Variants in PIP4K2A observed in about 807,000 individuals in gnomAD.
The protein encoded by PIP4K2A is phosphatidylinositol 5-phosphate 4-kinase type-2 alpha.
In PIP4K2A, 14 loss-of-function variants were observed where a neutral mutation model predicts 42.9. The observed-to-expected ratio is 0.33, with a 90% CI of 0.22 to 0.51. The LOEUF (loss-of-function observed/expected upper bound fraction) is 0.51. PIP4K2A is among the 20% of genes least tolerant of loss of function. The pLI is 0.97. For missense variants in PIP4K2A, 434 were observed against 519.8 expected (o/e 0.83, Z 1.61); for synonymous variants, 192 against 192.2 (o/e 1.00, Z 0.01).
intron 1 of PIP4K2A, among the ~76,000 whole-genome samples, chr10:22,615,942 T>C: frequency 6.6e-6 from 1 of 151,830 alleles, no homozygotes; most frequent in South Asian, 2.1e-4. Context: ...CTTGTTCCTG[T>C]TTATGCCGGA....
At position 22,593,507 on chromosome 10, in the gene PIP4K2A, T is replaced by C. The variant is rs549797757; in HGVS notation, c.340-1726A>G. ...CATTAACAAGAGTTTAATTCTTAAT[T>C]ACATTTTTCTTTCCTAAAACATGAA... is the stretch of plus-strand genomic sequence containing the variant. On this transcript the variant is annotated intron_variant, in intron 3 of 9. Coordinates refer to ENST00000376573, the MANE Select transcript of PIP4K2A (RefSeq NM_005028.5). 9.1e-4 allele frequency among the ~76,000 whole-genome samples: 139 copies of C among 152,368 alleles called. 3 individuals carry two copies. In the South Asian group the frequency reaches 0.028, roughly 30 times the overall value.
At chr10:22,711,089 G>C (rs2130932070) in intron 1 of PIP4K2A, among the ~76,000 whole-genome samples, 1 of 152,174 alleles carries the variant, frequency 6.6e-6, no homozygotes, top group East Asian at 1.9e-4. Context: ...TATATTCTCT[G>C]CTTAAAATAC....
At chr10:22,566,750 G>A (rs1806389611) in intron 6 of PIP4K2A, among the ~76,000 whole-genome samples, 1 of 152,130 alleles carries the variant, frequency 6.6e-6, no homozygotes, top group African/African-American at 2.4e-5. Flanking sequence ...TCAGGTTTCT[G>A]GACATCACCT....
chr10:22,644,107 C>G (rs998113141), intron 1 of PIP4K2A, among the ~76,000 whole-genome samples: 6 of 152,198 alleles, frequency 3.9e-5, no homozygotes, highest in Non-Finnish European at 8.8e-5. Context: ...GTCCTGTTCT[C>G]CCCTGGCCTG....
chr10:22,627,606 A>T (rs1838471981), intron 1 of PIP4K2A, among the ~76,000 whole-genome samples: 6 of 72,002 alleles, frequency 8.3e-5, no homozygotes, highest in Non-Finnish European at 1.9e-4. Flanking sequence ...AAAAAAAAAA[A>T]AAAAAAAAAA....
At chr10:22,625,822 G>T (rs546866851) in intron 1 of PIP4K2A, among the ~76,000 whole-genome samples, 1 of 152,200 alleles carries the variant, frequency 6.6e-6, no homozygotes, top group Non-Finnish European at 1.5e-5. Context: ...TCACATAGAC[G>T]TGGTTTTCGC....
intron 9 of PIP4K2A, among the ~76,000 whole-genome samples, chr10:22,537,795 C>T (rs1439513667): frequency 6.6e-6 from 1 of 152,208 alleles, no homozygotes; most frequent in Non-Finnish European, 1.5e-5. Flanking sequence ...TGAGGGGCAA[C>T]AGCAGCAGCC....
chr10:22,649,461 G>A (rs1046564143), intron 1 of PIP4K2A, among the ~76,000 whole-genome samples: 2 of 152,164 alleles, frequency 1.3e-5, no homozygotes, highest in East Asian at 1.9e-4. Flanking sequence ...CGTGTCAAAC[G>A]GCCATCTCTT....
intron 1 of PIP4K2A, among the ~76,000 whole-genome samples, chr10:22,685,364 A>T (rs1839743530): frequency 6.6e-6 from 1 of 152,252 alleles, no homozygotes; most frequent in Admixed American, 6.5e-5. Flanking sequence ...TTCCTTGTGA[A>T]ATTTTGGTCA....
At chr10:22,578,909 C>T (rs2031620) in intron 4 of PIP4K2A, among the ~76,000 whole-genome samples, 48,630 of 151,994 alleles carry the variant, frequency 0.32, 8,248 homozygotes, top group Non-Finnish European at 0.38. Context: ...CTACTCTCTC[C>T]GCTCTCTTTA....
intron 2 of PIP4K2A, among the ~76,000 whole-genome samples, chr10:22,608,800 C>T (rs1837965566): frequency 6.6e-6 from 1 of 152,140 alleles, no homozygotes; most frequent in South Asian, 2.1e-4. Flanking sequence ...TTGCTTGACC[C>T]CAGGAATTTG....
At chr10:22,672,203 T>A (rs1364347217) in intron 1 of PIP4K2A, among the ~76,000 whole-genome samples, 1 of 151,554 alleles carries the variant, frequency 6.6e-6, no homozygotes, top group Non-Finnish European at 1.5e-5. Context: ...TGCCGCTACA[T>A]CATGAATAAT....
At position 22,664,062 on chromosome 10, in the gene PIP4K2A, CATAT is replaced by C. The variant is rs1230269980; in HGVS notation, c.144+50117_144+50120del. 1.7e-4 allele frequency among the ~76,000 whole-genome samples: 12 copies of C among 70,228 alleles called. 2 individuals are homozygous for C. Among genetic ancestry groups the C allele is most frequent in the African/African-American group, 1.2e-3 (9 of 7,420 alleles). 46.1% of individuals were successfully genotyped at this position (70,228 alleles called of 152,430 possible). On this transcript the variant is annotated intron_variant, in intron 1 of 9. Transcript: ENST00000376573. ...ATATATATATACATATGTATATATA[CATAT>C]ATATATATACGTATATATATATACA...
At chr10:22,683,270 T>G (rs1313541103) in intron 1 of PIP4K2A, among the ~76,000 whole-genome samples, 1 of 152,024 alleles carries the variant, frequency 6.6e-6, no homozygotes, top group Non-Finnish European at 1.5e-5. Flanking sequence ...AGTCAAGGCT[T>G]TAACAGTATT....
intron 1 of PIP4K2A, among the ~76,000 whole-genome samples, chr10:22,687,890 G>C (rs1349609853): frequency 1.3e-5 from 2 of 152,110 alleles, no homozygotes; most frequent in Non-Finnish European, 2.9e-5. Context: ...GGAACATGCA[G>C]ATACAAAGGG....
In PIP4K2A at chr10:22,558,173, G is replaced by C. The variant is rs372552113; in HGVS notation, c.679-7401C>G. Among the ~76,000 whole-genome samples, 11 of 152,114 alleles carry C rather than the reference G, an allele frequency of 7.2e-5. No homozygotes were observed. In the East Asian group the frequency reaches 1.2e-3, roughly 16 times the overall value. Reference sequence around the variant, plus strand: ...GAATGCTCCACATAAAAAATACGTAGTAATTATTGTTTTATGTTAGAACTG... The same window carrying C: ...GAATGCTCCACATAAAAAATACGTACTAATTATTGTTTTATGTTAGAACTG... On this transcript the variant is annotated intron_variant, in intron 6 of 9. Transcript: ENST00000376573.
At chr10:22,657,546 C>G (rs149478257) in intron 1 of PIP4K2A, among the ~76,000 whole-genome samples, 99 of 152,268 alleles carry the variant, frequency 6.5e-4, no homozygotes, top group African/African-American at 2.3e-3. Flanking sequence ...CTCCCTATTC[C>G]AAAGCAAAGA....
At chr10:22,702,055 T>C (rs961186107) in intron 1 of PIP4K2A, among the ~76,000 whole-genome samples, 4 of 152,238 alleles carry the variant, frequency 2.6e-5, no homozygotes, top group Non-Finnish European at 4.4e-5. Flanking sequence ...TAGTTTCAAA[T>C]GGTCTTGGTC....
intron 1 of PIP4K2A, among the ~76,000 whole-genome samples, chr10:22,658,540 A>G (rs1411021825): frequency 6.6e-6 from 1 of 152,254 alleles, no homozygotes; most frequent in Non-Finnish European, 1.5e-5. Flanking sequence ...TTCAAAATAC[A>G]GGGAGACAGT....
Sources: allele counts gnomAD v4.1 joint callset (sites outside exome capture counted in the v4.1 genomes callset), GRCh38; gene constraint gnomAD v4.1.1; transcripts MANE v1.5; gene names NCBI Gene and HGNC (gene_info 2026-07-23, HGNC 2026-07-21).